The following NR2E1 variants were observed in gnomAD, a reference collection of about 807,000 sequenced individuals.
NR2E1 encodes nuclear receptor subfamily 2 group E member 1, also known as nuclear receptor TLX.
In NR2E1, 5 loss-of-function variants were observed where a neutral mutation model predicts 43.6. The observed-to-expected ratio is 0.11, with a 90% CI of 0.06 to 0.24. The LOEUF is 0.24. NR2E1 is among the 10% of genes least tolerant of loss of function. The pLI, the probability that NR2E1 is intolerant of heterozygous loss-of-function variation, is 1.00. For synonymous variants in NR2E1, 191 were observed against 195.5 expected (o/e 0.98, Z 0.19); for missense variants, 287 against 496.7 (o/e 0.58, Z 4.01).
chr6:108,174,110 T>A (rs1170617755), intron 2 of NR2E1, among the ~76,000 whole-genome samples: 1 of 152,186 alleles, frequency 6.6e-6, no homozygotes, highest in African/African-American at 2.4e-5. Context: ...TTTTTCACCC[T>A]CATCTTCTCT....
intron 5 of NR2E1, among the ~76,000 whole-genome samples, chr6:108,179,671 A>G (rs1443976516): frequency 6.6e-6 from 1 of 152,144 alleles, no homozygotes; most frequent in African/African-American, 2.4e-5. Flanking sequence ...CTGGTATATT[A>G]ATTTGGAAAA....
intron 8 of NR2E1, among the ~76,000 whole-genome samples, chr6:108,184,587 A>G (rs1038596879): frequency 1.3e-5 from 2 of 152,258 alleles, no homozygotes; most frequent in African/African-American, 4.8e-5. Context: ...TGGTCCTTCA[A>G]TGGGAGGAGG....
intron 2 of NR2E1, among the ~76,000 whole-genome samples, chr6:108,173,959 T>C (rs1463137985): frequency 6.6e-6 from 1 of 152,232 alleles, no homozygotes; most frequent in East Asian, 1.9e-4. Context: ...TCTAAAGAAG[T>C]GACTACCTTT....
At chr6:108,168,979 C>T (rs1361734634) in intron 1 of NR2E1, 1 of 152,284 alleles carries the variant, frequency 6.6e-6, no homozygotes, top group Non-Finnish European at 1.5e-5. Flanking sequence ...ACACAAAAAG[C>T]CCCGAGGGGA....
At position 108,176,605 on chromosome 6, in the gene NR2E1, C is replaced by T. The variant is rs757945765; in HGVS notation, c.362C>T (p.Pro121Leu). The change falls in exon 4 of 9, where the codon CCC (proline) becomes CTC (leucine). Residue 121 changes from proline (P) to leucine (L), a missense_variant. Physicochemically the swap from Pro to Leu is moderately conservative, Grantham distance 98. Coordinates refer to ENST00000368986, the MANE Select transcript of NR2E1 (RefSeq NM_003269.5). ...KEENGAAAHFPSAALPAPAFF... is the reference protein window; with the variant it reads ...KEENGAAAHFLSAALPAPAFF... ...GAGAACGGGGCCGCCGCGCACTTTC[C>T]CTCGGCGGCGCTCCCTGCGCCGGCC... 1 of 1,612,474 alleles carries T rather than the reference C, an allele frequency of 6.2e-7. No homozygotes were observed. Among genetic ancestry groups the T allele is most frequent in the Non-Finnish European group, 8.5e-7 (1 of 1,179,842 alleles).
chr6:108,184,851 T>C (rs1774048258), intron 8 of NR2E1, among the ~76,000 whole-genome samples: 1 of 152,278 alleles, frequency 6.6e-6, no homozygotes, highest in Admixed American at 6.5e-5. Flanking sequence ...CATGGAATTC[T>C]TATTATTTCT....
At chr6:108,168,125 G>C (rs769141570) in intron 1 of NR2E1, 2 of 1,602,548 alleles carry the variant, frequency 1.2e-6, no homozygotes, top group East Asian at 4.5e-5. Flanking sequence ...CTTTAGGCTC[G>C]GGCCTACCCT....
At chr6:108,177,747 T>G (rs928281740) in intron 4 of NR2E1, among the ~76,000 whole-genome samples, 9 of 152,248 alleles carry the variant, frequency 5.9e-5, no homozygotes, top group Non-Finnish European at 5.9e-5. Flanking sequence ...ACATCTATTT[T>G]TATTTACACA....
At chr6:108,171,824 A>G (rs1773817194) in intron 2 of NR2E1, among the ~76,000 whole-genome samples, 1 of 151,670 alleles carries the variant, frequency 6.6e-6, no homozygotes, top group Admixed American at 6.6e-5. Flanking sequence ...AGGGAGTCTG[A>G]AGTCCTAGAG....
In NR2E1 at chr6:108,174,977, T is replaced by C. The variant is rs150787108; in HGVS notation, c.259+54T>C. 996 of 1,532,374 alleles carry C rather than the reference T, an allele frequency of 6.5e-4. 8 individuals are homozygous for C. The African/African-American group carries it at 0.012, about 19-fold the overall frequency. 94.9% of individuals were successfully genotyped at this position (1,532,374 alleles called of 1,614,324 possible). On this transcript the variant is annotated intron_variant, in intron 3 of 8. Transcript: ENST00000368986. ...TTGATTGAGTAGTAAGTAAATTATA[T>C]GTACAGAAAATACATGGCACTCCTA...
chr6:108,184,052 C>T (rs1774035839), intron 8 of NR2E1, among the ~76,000 whole-genome samples: 2 of 151,906 alleles, frequency 1.3e-5, no homozygotes, highest in Non-Finnish European at 1.5e-5. Flanking sequence ...GTTAGCTGGG[C>T]GTCATGACGT....
At chr6:108,167,131 C>A (rs960629149) in intron 1 of NR2E1, among the ~76,000 whole-genome samples, 1 of 152,060 alleles carries the variant, frequency 6.6e-6, no homozygotes, top group Non-Finnish European at 1.5e-5. Context: ...CAGCTCCAGG[C>A]GGTAGCACAA....
At chr6:108,182,034 G>A (rs1289218426) in intron 8 of NR2E1, among the ~76,000 whole-genome samples, 1 of 152,070 alleles carries the variant, frequency 6.6e-6, no homozygotes, top group Non-Finnish European at 1.5e-5. Context: ...TCAGAAGATC[G>A]AGACCATCCT....
chr6:108,168,109 G>C (rs1335859027), intron 1 of NR2E1: 1 of 1,604,910 alleles, frequency 6.2e-7, no homozygotes, highest in East Asian at 2.2e-5. Context: ...CCAGGACTGG[G>C]TTTCCCTTTA....
chr6:108,171,704 G>C, intron 2 of NR2E1, 101 bp downstream of exon 2: 1 of 1,481,660 alleles, frequency 6.7e-7, no homozygotes, highest in Non-Finnish European at 9.3e-7. Flanking sequence ...GTTGAGGAGA[G>C]ACCCGGCCCT....
In NR2E1 at chr6:108,180,219, G is replaced by A. The variant is rs535178741; in HGVS notation, c.643-104G>A. 101 of 779,060 alleles carry A rather than the reference G, an allele frequency of 1.3e-4. 1 individual carries two copies. The African/African-American group carries it at 1.6e-3, about 12-fold the overall frequency. 48.3% of individuals were successfully genotyped at this position (779,060 alleles called of 1,614,324 possible). A position where few individuals can be genotyped will look rare whatever the true frequency, so the allele number is the denominator to read the frequency against. On this transcript the variant is annotated intron_variant, in intron 5 of 8. Transcript: ENST00000368986. The surrounding 1 kb of genome is among the most constrained non-coding windows in gnomAD (Gnocchi z 5.4). ...ATATTCAGAAAAAATTACCAAGACA[G>A]GCATTTAAAACACTTTTTAAAATAA...
intron 3 of NR2E1, among the ~76,000 whole-genome samples, chr6:108,175,517 G>C (rs556989173): frequency 6.6e-6 from 1 of 152,246 alleles, no homozygotes; most frequent in Admixed American, 6.5e-5. Flanking sequence ...GGTAACGCCC[G>C]TGGGTGCCTC....
At chr6:108,174,810 C>G (rs376673747) in intron 2 of NR2E1, 26 bp from the exon 3 acceptor site, 12 of 1,606,398 alleles carry the variant, frequency 7.5e-6, no homozygotes, top group Admixed American at 1.7e-5. Context: ...CCCTGGGGAC[C>G]GCTGACCTCC....
intron 5 of NR2E1, chr6:108,178,746 A>C: frequency 4.6e-6 from 1 of 218,912 alleles, no homozygotes; most frequent in Non-Finnish European, 9.3e-6. Flanking sequence ...TGTAAAACCA[A>C]AGGGCACAGT....
Sources: allele counts gnomAD v4.1 joint callset (sites outside exome capture counted in the v4.1 genomes callset), GRCh38; gene constraint gnomAD v4.1.1; non-coding constraint Gnocchi (gnomAD v3.1); transcripts MANE v1.5; gene names NCBI Gene and HGNC (gene_info 2026-07-23, HGNC 2026-07-21).